The following DAB1 variants were observed in gnomAD, a reference collection of about 807,000 sequenced individuals.
The protein encoded by DAB1 is disabled homolog 1.
In DAB1, 15 loss-of-function variants were observed where a neutral mutation model predicts 64.6. The observed-to-expected ratio is 0.23, with a 90% CI of 0.16 to 0.36. The LOEUF (loss-of-function observed/expected upper bound fraction) is 0.36, where lower values mean the gene tolerates loss of function less well. Among genes scored for constraint, DAB1 ranks in the 10% least tolerant of loss-of-function variants. The pLI is 1.00. For missense variants in DAB1, 596 were observed against 706.7 expected (o/e 0.84, Z 1.78); for synonymous variants, 235 against 251.9 (o/e 0.93, Z 0.64).
rs1330785378 is a variant in DAB1, at chr1:57,344,815, A to G, written c.-136-53649T>C. On this transcript the variant is annotated intron_variant, in intron 1 of 14. Coordinates refer to ENST00000371236, the MANE Select transcript of DAB1 (RefSeq NM_001365792.1). The stretch of plus-strand genomic sequence containing the variant: ...TGCATGGCCTAGAGTGAGTTACCTA[A>G]GCCACAGAAGCCCTCATTTCATCAT... 1.3e-5 allele frequency among the ~76,000 whole-genome samples: 2 copies of G among 152,138 alleles called. 1 individual carries two copies. Among genetic ancestry groups the G allele is most frequent in the East Asian group, 3.9e-4 (2 of 5,140 alleles).
chr1:58,124,870 A>G, intron 5 of DAB1, among the ~76,000 whole-genome samples: 1 of 152,230 alleles, frequency 6.6e-6, no homozygotes, highest in Non-Finnish European at 1.5e-5. Flanking sequence ...CAATGTACCC[A>G]GTACATGCTA....
chr1:57,519,065 T>A (rs1213513246), intron 7 of DAB1, among the ~76,000 whole-genome samples: 1 of 152,176 alleles, frequency 6.6e-6, no homozygotes, highest in Non-Finnish European at 1.5e-5. Flanking sequence ...GCCTGTTGAA[T>A]GAAGAAATGA....
intron 4 of DAB1, among the ~76,000 whole-genome samples, chr1:58,286,721 G>A (rs1661694409): frequency 6.6e-6 from 1 of 152,218 alleles, no homozygotes; most frequent in Non-Finnish European, 1.5e-5. Context: ...CTGTTGGTGG[G>A]AATGTAAATT....
intron 2 of DAB1, among the ~76,000 whole-genome samples, chr1:57,252,013 G>C (rs1228742769): frequency 2.6e-5 from 4 of 152,208 alleles, no homozygotes; most frequent in South Asian, 2.1e-4. Flanking sequence ...AAGCTGTCGT[G>C]CTTTTCCTTT....
At chr1:58,299,267 T>C (rs1662062616) in intron 4 of DAB1, among the ~76,000 whole-genome samples, 1 of 152,200 alleles carries the variant, frequency 6.6e-6, no homozygotes, top group African/African-American at 2.4e-5. Context: ...AAGCCAGATT[T>C]AAAACTCAGA....
rs949893228 is a variant in DAB1, at chr1:57,322,338, A to G, written c.-136-31172T>C. Among the ~76,000 whole-genome samples, 3 of 152,280 alleles carry G rather than the reference A, an allele frequency of 2.0e-5. 1 individual carries two copies. Among genetic ancestry groups the G allele is most frequent in the South Asian group, 4.1e-4 (2 of 4,820 alleles). ...ATATTGTGATTTTCTTAGCTGCCCAATAAGTATCACTAGTGCATTATCTAG... is the reference window on the plus strand; with the variant it reads ...ATATTGTGATTTTCTTAGCTGCCCAGTAAGTATCACTAGTGCATTATCTAG... On this transcript the variant is annotated intron_variant, in intron 1 of 14. Coordinates refer to ENST00000371236, the MANE Select transcript of DAB1 (RefSeq NM_001365792.1).
At chr1:57,748,674 C>T (rs1648400511) in intron 6 of DAB1, among the ~76,000 whole-genome samples, 2 of 152,064 alleles carry the variant, frequency 1.3e-5, no homozygotes, top group African/African-American at 4.8e-5. Flanking sequence ...GGGCAGCTTC[C>T]CAGAATAGTG....
intron 4 of DAB1, among the ~76,000 whole-genome samples, chr1:58,163,787 A>C (rs1655673093): frequency 6.6e-6 from 1 of 152,228 alleles, no homozygotes; most frequent in African/African-American, 2.4e-5. Context: ...CTGGTCTGAC[A>C]GAGACGTATT....
intron 6 of DAB1, among the ~76,000 whole-genome samples, chr1:57,658,740 G>T (rs1430948501): frequency 6.6e-6 from 1 of 151,944 alleles, no homozygotes; most frequent in African/African-American, 2.4e-5. Context: ...TTTTCTTTCT[G>T]TATTTTTTTA....
At chr1:58,183,221 A>G (rs1263090633) in intron 4 of DAB1, among the ~76,000 whole-genome samples, 1 of 152,048 alleles carries the variant, frequency 6.6e-6, no homozygotes, top group Non-Finnish European at 1.5e-5. Flanking sequence ...TGTGGGTTGG[A>G]GAACACTTTC....
intron 3 of DAB1, among the ~76,000 whole-genome samples, chr1:58,369,550 A>G (rs960909142): frequency 2.0e-5 from 3 of 152,214 alleles, no homozygotes; most frequent in South Asian, 2.1e-4. Flanking sequence ...AAAACTTCCA[A>G]TGTTATTCAG....
intron 3 of DAB1, among the ~76,000 whole-genome samples, chr1:58,450,281 G>A (rs752090312): frequency 6.6e-6 from 1 of 152,096 alleles, no homozygotes; most frequent in Non-Finnish European, 1.5e-5. Flanking sequence ...TTCCCCCATC[G>A]TGTCCTTGAC....
rs1553160177 is a variant in DAB1, at chr1:57,243,476, T to TGTGTGTGTGTATGCAC, written c.67+47472_67+47487dup. 9.0e-4 allele frequency among the ~76,000 whole-genome samples: 136 copies of TGTGTGTGTGTATGCAC among 151,468 alleles called. 1 individual carries two copies. Among genetic ancestry groups the TGTGTGTGTGTATGCAC allele is most frequent in the African/African-American group, 2.8e-3 (117 of 41,376 alleles). On this transcript the variant is annotated intron_variant, in intron 2 of 14. Coordinates refer to ENST00000371236, the MANE Select transcript of DAB1 (RefSeq NM_001365792.1). The stretch of plus-strand genomic sequence containing the variant: ...ACCATATAGCTTCCAATGAGATGCA[T>TGTGTGTGTGTATGCAC]GTGTGTGTGTATGCACGTGTGTGTG...
chr1:58,495,807 G>T (rs1049953958), intron 3 of DAB1, among the ~76,000 whole-genome samples: 2 of 151,990 alleles, frequency 1.3e-5, no homozygotes, highest in East Asian at 3.9e-4. Context: ...TCCTCCAACA[G>T]CAAGAAGTAT....
chr1:58,524,130 A>G (rs4912341), intron 2 of DAB1, among the ~76,000 whole-genome samples: 17,704 of 152,240 alleles, frequency 0.12, 1,230 homozygotes, highest in African/African-American at 0.18. Flanking sequence ...TCCGCAAAAC[A>G]GTAGAGTTAG....
At chr1:58,052,109 A>C (rs541901033) in intron 5 of DAB1, among the ~76,000 whole-genome samples, 7 of 152,286 alleles carry the variant, frequency 4.6e-5, no homozygotes, top group African/African-American at 1.7e-4. Flanking sequence ...TTAGTCATGA[A>C]GTCCCTGCCC....
At chr1:58,123,775 G>A (rs900144070) in intron 5 of DAB1, among the ~76,000 whole-genome samples, 5 of 152,060 alleles carry the variant, frequency 3.3e-5, no homozygotes, top group East Asian at 3.8e-4. Context: ...GGCTCTGTTC[G>A]TAAATAAAGT....
At chr1:58,038,107 A>G (rs951204005) in intron 5 of DAB1, among the ~76,000 whole-genome samples, 4 of 152,224 alleles carry the variant, frequency 2.6e-5, no homozygotes, top group Non-Finnish European at 5.9e-5. Context: ...ATATTTTAAA[A>G]TGAATATATG....
intron 4 of DAB1, among the ~76,000 whole-genome samples, chr1:58,280,593 C>A (rs2100438838): frequency 6.6e-6 from 1 of 152,290 alleles, no homozygotes; most frequent in East Asian, 1.9e-4. Context: ...CTTTTACAGC[C>A]TGCAAATAAA....
Sources: allele counts gnomAD v4.1 joint callset (sites outside exome capture counted in the v4.1 genomes callset), GRCh38; gene constraint gnomAD v4.1.1; transcripts MANE v1.5; gene names NCBI Gene and HGNC (gene_info 2026-07-23, HGNC 2026-07-21).